Variants in MMP20 observed in about 807,000 individuals in gnomAD.
MMP20 encodes the protein matrix metalloproteinase-20.
MMP20 carries 50 observed loss-of-function variants against 51.8 expected under a neutral mutation model. The ratio of observed to expected loss-of-function variants is 0.97; its 90% confidence interval spans 0.77 to 1.22. The LOEUF (loss-of-function observed/expected upper bound fraction) is 1.22, where lower values mean the gene tolerates loss of function less well. Ranked by LOEUF, MMP20 falls within the 50% of genes most tolerant of loss-of-function variation. The probability of loss-of-function intolerance (pLI) is 0.00; values close to 1 mark genes in which losing one functional copy is unlikely to be tolerated. For missense variants in MMP20, 663 were observed against 601.4 expected (o/e 1.10, Z -1.07); for synonymous variants, 244 against 216.2 (o/e 1.13, Z -1.13).
At chr11:102,597,502 C>T (rs1388840420) in intron 6 of MMP20, among the ~76,000 whole-genome samples, 5 of 152,100 alleles carry the variant, frequency 3.3e-5, no homozygotes. Flanking sequence ...GGACGTTAGG[C>T]AATATCTGGT....
At chr11:102,623,375 A>T (rs1859774677) in intron 1 of MMP20, among the ~76,000 whole-genome samples, 2 of 152,186 alleles carry the variant, frequency 1.3e-5, no homozygotes, top group South Asian at 4.1e-4. Flanking sequence ...GCCTCCTGTC[A>T]GATCAGCAGA....
At chr11:102,601,946 T>C (rs11225339) in intron 6 of MMP20, among the ~76,000 whole-genome samples, 22,624 of 130,848 alleles carry the variant, frequency 0.17, 1,921 homozygotes, top group Middle Eastern at 0.24. Flanking sequence ...TTCTTTTCTT[T>C]CTTTCTTTTT....
intron 8 of MMP20, among the ~76,000 whole-genome samples, chr11:102,586,273 G>A (rs919081639): frequency 4.6e-5 from 7 of 151,978 alleles, no homozygotes; most frequent in African/African-American, 1.7e-4. Flanking sequence ...ACCCTTCTGG[G>A]CCTGGGCTTT....
At chr11:102,600,233 A>T (rs1040905137) in intron 6 of MMP20, among the ~76,000 whole-genome samples, 3 of 152,186 alleles carry the variant, frequency 2.0e-5, no homozygotes, top group Non-Finnish European at 4.4e-5. Context: ...CCTCAAGCCC[A>T]TGGCATCCTG....
At chr11:102,605,342 C>A (rs1859501456) in intron 6 of MMP20, 1 of 152,130 alleles carries the variant, frequency 6.6e-6, no homozygotes, top group African/African-American at 2.4e-5. Flanking sequence ...TTGGTTATAG[C>A]AGCTCCTGCA....
At chr11:102,625,019 A>G (rs1372266498) in intron 1 of MMP20, among the ~76,000 whole-genome samples, 175 bp downstream of exon 1, 1 of 152,218 alleles carries the variant, frequency 6.6e-6, no homozygotes, top group East Asian at 1.9e-4. Flanking sequence ...TGGTACACCT[A>G]ATATGCACCA....
intron 2 of MMP20, among the ~76,000 whole-genome samples, chr11:102,614,265 T>C (rs748493516): frequency 2.6e-5 from 4 of 152,208 alleles, no homozygotes; most frequent in Non-Finnish European, 4.4e-5. Context: ...CTCTGGGTTA[T>C]GTTGTAAGAA....
chr11:102,589,837 A>G (rs553450144), intron 8 of MMP20, among the ~76,000 whole-genome samples: 1 of 152,296 alleles, frequency 6.6e-6, no homozygotes, highest in South Asian at 2.1e-4. Flanking sequence ...ACCCTATTTC[A>G]TCTTATTTTT....
chr11:102,594,234 A>G (rs965316413), intron 7 of MMP20, among the ~76,000 whole-genome samples: 1 of 152,194 alleles, frequency 6.6e-6, no homozygotes, highest in Non-Finnish European at 1.5e-5. Flanking sequence ...TTCTGACCAC[A>G]GCATAGAAGT....
At position 102,611,892 on chromosome 11, in the gene MMP20, T is replaced by A. The variant is rs1859605867; in HGVS notation, c.386A>T (p.Tyr129Phe). 4 of 1,614,042 alleles carry A rather than the reference T, an allele frequency of 2.5e-6. No homozygotes were observed. In the African/African-American group the frequency reaches 5.3e-5, roughly 22 times the overall value. Reference protein sequence around the residue: ...KNTLTYRISKYTPSMSSVEVD... With the variant: ...KNTLTYRISKFTPSMSSVEVD... ...CTCGACAGAACTCATGGAAGGTGTG[T>A]ATTTAGATATTCTGTGAAAACGGAA... Residue 129 changes from tyrosine to phenylalanine, a missense_variant, in exon 3 of 10, where the codon TAC becomes TTC. By Grantham distance (22) the Tyr-to-Phe change is conservative. Coordinates refer to ENST00000260228, the MANE Select transcript of MMP20 (RefSeq NM_004771.4).
chr11:102,620,492 C>G (rs1859736041), intron 1 of MMP20, among the ~76,000 whole-genome samples: 1 of 141,620 alleles, frequency 7.1e-6, no homozygotes, highest in South Asian at 2.5e-4. Context: ...CCAATCTTCC[C>G]CACTTCCTCA....
At chr11:102,591,453 T>C (rs1859316041) in intron 8 of MMP20, among the ~76,000 whole-genome samples, 1 of 152,228 alleles carries the variant, frequency 6.6e-6, no homozygotes, top group Non-Finnish European at 1.5e-5. Context: ...AGAAATTATT[T>C]GTTAGTTACC....
intron 8 of MMP20, among the ~76,000 whole-genome samples, chr11:102,584,595 G>T (rs1034745923): frequency 6.6e-6 from 1 of 152,128 alleles, no homozygotes. Flanking sequence ...TTTGTTGATA[G>T]TGTACTGTGA....
chr11:102,581,936 C>T (rs1171818027), intron 8 of MMP20, among the ~76,000 whole-genome samples: 1 of 152,092 alleles, frequency 6.6e-6, no homozygotes, highest in Non-Finnish European at 1.5e-5. Flanking sequence ...TGCATATATC[C>T]TCTCATCACT....
chr11:102,594,768 T>G lies in MMP20; in HGVS notation c.954-11A>C. 1 of 1,422,240 alleles carries G rather than the reference T, an allele frequency of 7.0e-7. No individual in the cohort carries two copies. Among genetic ancestry groups the G allele is most frequent in the Non-Finnish European group, 9.1e-7 (1 of 1,099,608 alleles). The allele number at this position is 1,422,240 out of a possible 1,614,324, so 88.1% of individuals were successfully genotyped here. ...CGTCTCCAGAAAATCCTATGGGACA[T>G]TCCAAAAAAAAAAAAAAAAAAAATC... On this transcript the variant is annotated splice_polypyrimidine_tract_variant and intron_variant, in intron 6 of 9. Coordinates refer to ENST00000260228, the MANE Select transcript of MMP20 (RefSeq NM_004771.4).
intron 8 of MMP20, among the ~76,000 whole-genome samples, chr11:102,582,838 T>A (rs1859212729): frequency 1.3e-5 from 2 of 152,162 alleles, no homozygotes; most frequent in Admixed American, 1.3e-4. Flanking sequence ...ATGTTGCAAG[T>A]GTTGACCATT....
chr11:102,590,582 C>T (rs7951389), intron 8 of MMP20, among the ~76,000 whole-genome samples: 4,336 of 152,238 alleles, frequency 0.028, 210 homozygotes, highest in African/African-American at 0.1. Context: ...GCAGAATTTC[C>T]AGAGACTTTT....
In MMP20 at chr11:102,609,111, A is replaced by G; in HGVS notation, c.650-13T>C. On this transcript the variant is annotated splice_polypyrimidine_tract_variant and intron_variant, in intron 4 of 9. Transcript: ENST00000260228. ...AACAAATTAAAACCTAGACAATATG[A>G]GAGAGAAAAAAACAGTATCAACACA... The G allele has an allele frequency of 6.2e-7, 1 of 1,613,746 alleles. No individual in the cohort carries two copies. Among genetic ancestry groups the G allele is most frequent in the Non-Finnish European group, 8.5e-7 (1 of 1,179,658 alleles).
At chr11:102,613,536 T>G (rs1859629823) in intron 2 of MMP20, among the ~76,000 whole-genome samples, 1 of 152,224 alleles carries the variant, frequency 6.6e-6, no homozygotes, top group Non-Finnish European at 1.5e-5. Context: ...GGAAGCTTGT[T>G]AAAAATACAG....
Sources: allele counts gnomAD v4.1 joint callset (sites outside exome capture counted in the v4.1 genomes callset), GRCh38; gene constraint gnomAD v4.1.1; transcripts MANE v1.5; gene names NCBI Gene and HGNC (gene_info 2026-07-23, HGNC 2026-07-21).